Variants in IL1RL1 observed in about 807,000 individuals in gnomAD.
IL1RL1 encodes interleukin 1 receptor like 1.
Under a neutral mutation model 50.9 loss-of-function variants are expected in IL1RL1, and 32 were observed. The observed-to-expected ratio is 0.63, with a 90% confidence interval of 0.47 to 0.84. IL1RL1 has a LOEUF of 0.84. Among genes scored for constraint, IL1RL1 ranks in the 40% least tolerant of loss-of-function variants. The pLI, the probability that IL1RL1 is intolerant of heterozygous loss-of-function variation, is 0.00. For synonymous variants in IL1RL1, 275 were observed against 236.0 expected, an observed-to-expected ratio of 1.17 and a Z score of -1.51; for missense variants, 773 against 662.9, an observed-to-expected ratio of 1.17 and a Z score of -1.82.
intron 1 of IL1RL1, among the ~76,000 whole-genome samples, chr2:102,321,083 G>T (rs996657970): frequency 2.6e-5 from 4 of 152,190 alleles, no homozygotes; most frequent in Admixed American, 6.5e-5. Flanking sequence ...CACCAGGCTT[G>T]CCTCCATGGC....
At chr2:102,337,432 T>G (rs3771179) in intron 1 of IL1RL1, 12,661 of 152,408 alleles carry the variant, frequency 0.083, 585 homozygotes, top group Middle Eastern at 0.31. Flanking sequence ...TCTATGTTGG[T>G]TCTATTCTTC....
rs75779188 is a variant in IL1RL1 at position 102,343,044 on chromosome 2, G to A, written c.691G>A (p.Ala231Thr). ...EIKEVEIGKN[A>T]NLTCSACFGK... is the part of the protein sequence containing the mutation. ...TCCTTACTCCCCTCTAGGAAAAAAC[G>A]CAAACCTAACTTGCTCTGCTTGTTT... Residue 231 changes from alanine (A) to threonine (T), a missense_variant, in exon 7 of 11, where the codon GCA becomes ACA. Coordinates refer to ENST00000233954, the MANE Select transcript of IL1RL1 (RefSeq NM_016232.5). 1.7e-5 allele frequency: 28 copies of A among 1,613,766 alleles called. No homozygotes were observed. In the East Asian group the frequency reaches 3.1e-4, roughly 18 times the overall value.
chr2:102,333,800 A>G (rs909031502), intron 1 of IL1RL1, among the ~76,000 whole-genome samples: 1 of 151,960 alleles, frequency 6.6e-6, no homozygotes, highest in Non-Finnish European at 1.5e-5. Context: ...ATGAGTACCC[A>G]TGGTTTAGCT....
At chr2:102,328,124 A>G (rs1308759331) in intron 1 of IL1RL1, among the ~76,000 whole-genome samples, 2 of 152,154 alleles carry the variant, frequency 1.3e-5, no homozygotes, top group Non-Finnish European at 2.9e-5. Context: ...CTGGCAAACC[A>G]AATCCAGCAG....
At chr2:102,311,953 AT>A (rs1676504780) in intron 1 of IL1RL1, among the ~76,000 whole-genome samples, 1 of 35,720 alleles carries the variant, frequency 2.8e-5, no homozygotes, top group South Asian at 5.6e-4. Flanking sequence ...ATTATATATA[AT>A]ATATATTATA....
In IL1RL1 at chr2:102,351,525, T is replaced by C. The variant is rs749163091; in HGVS notation, c.1286-11T>C. ...CTGATAAGAAATCTGATCTATTTCT[T>C]GTATGACTAGATGTAGTCACTGCAG... On this transcript the variant is annotated splice_polypyrimidine_tract_variant and intron_variant, in intron 10 of 10. Transcript: ENST00000233954. 1.2e-5 allele frequency: 20 copies of C among 1,606,870 alleles called. No individual in the cohort carries two copies. Among genetic ancestry groups the C allele is most frequent in the Non-Finnish European group, 1.7e-5 (20 of 1,175,222 alleles).
At chr2:102,319,260 A>C (rs1676766751) in intron 1 of IL1RL1, among the ~76,000 whole-genome samples, 1 of 152,158 alleles carries the variant, frequency 6.6e-6, no homozygotes, top group Admixed American at 6.5e-5. Flanking sequence ...ATGCTATATA[A>C]TCACAAATAT....
At chr2:102,327,416 T>A (rs1168388428) in intron 1 of IL1RL1, among the ~76,000 whole-genome samples, 2 of 151,112 alleles carry the variant, frequency 1.3e-5, no homozygotes, top group South Asian at 4.2e-4. Context: ...AGATCTAAAA[T>A]TGACACACTA....
At position 102,338,193 on chromosome 2, in the gene IL1RL1, C is replaced by T. The variant is rs13431828; in HGVS notation, c.-72C>T. ...CCTCATGTGTGGTGACCTTCACTGTCGTATGCCAGTGACTCATCTGGAGTA... is the reference window on the plus strand; with the variant it reads ...CCTCATGTGTGGTGACCTTCACTGTTGTATGCCAGTGACTCATCTGGAGTA... On this transcript the variant is annotated 5_prime_UTR_variant, in exon 2 of 11. Coordinates refer to ENST00000233954, the MANE Select transcript of IL1RL1 (RefSeq NM_016232.5). 0.14 allele frequency: 140,731 copies of T among 976,016 alleles called. 11,460 individuals are homozygous for T. The highest frequency in any genetic ancestry group is 0.27 in the African/African-American group (16,472 of 62,114). The allele number at this position is 976,016 out of a possible 1,614,324, so 60.5% of individuals were successfully genotyped here. A position where few individuals can be genotyped will look rare whatever the true frequency, so the allele number is the denominator to read the frequency against.
At chr2:102,351,217 C>A (rs756012299) in intron 10 of IL1RL1, among the ~76,000 whole-genome samples, 2 of 152,090 alleles carry the variant, frequency 1.3e-5, no homozygotes, top group Non-Finnish European at 2.9e-5. Flanking sequence ...GAAGAATGAA[C>A]CAGAATTCTA....
chr2:102,343,155 C>A lies in IL1RL1; in HGVS notation c.802C>A (p.Gln268Lys). ...ITDFGEPRIQ[Q>K]EEGQNQSFSN... The stretch of plus-strand genomic sequence containing the variant: ...AGACTTTGGTGAACCAAGAATTCAA[C>A]AAGAGGAAGGGCAAAATCAAAGGTA... The change falls in exon 7 of 11, where the codon CAA (glutamine) becomes AAA (lysine). Residue 268 changes from glutamine to lysine, a missense_variant. Coordinates refer to ENST00000233954, the MANE Select transcript of IL1RL1 (RefSeq NM_016232.5). The A allele has an allele frequency of 6.2e-7, 1 of 1,614,076 alleles. No homozygotes were observed. The highest frequency in any genetic ancestry group is 2.2e-5 in the East Asian group (1 of 44,880).
chr2:102,312,952 TCTC>T (rs1676561553), intron 1 of IL1RL1: 1 of 152,020 alleles, frequency 6.6e-6, no homozygotes, highest in Admixed American at 6.6e-5. Context: ...CTATAACAGT[TCTC>T]CTACTAGATC....
chr2:102,338,217 T>C lies in IL1RL1; in HGVS notation c.-48T>C, dbSNP rs1267830309. The C allele has an allele frequency of 7.8e-7, 1 of 1,284,846 alleles. No individual in the cohort carries two copies. The highest frequency in any genetic ancestry group is 1.1e-6 in the Non-Finnish European group (1 of 884,950). 79.6% of individuals were successfully genotyped at this position (1,284,846 alleles called of 1,614,324 possible). A position where few individuals can be genotyped will look rare whatever the true frequency, so the allele number is the denominator to read the frequency against. ...TCGTATGCCAGTGACTCATCTGGAG[T>C]AATCTCAACAACGAGTTACCAATAC... On this transcript the variant is annotated 5_prime_UTR_variant, in exon 2 of 11. The change abolishes the stop of an existing upstream ORF in the 5' untranslated region. Coordinates refer to ENST00000233954, the MANE Select transcript of IL1RL1 (RefSeq NM_016232.5).
intron 1 of IL1RL1, among the ~76,000 whole-genome samples, chr2:102,325,038 C>T (rs746723171): frequency 1.8e-4 from 28 of 152,296 alleles, no homozygotes; most frequent in African/African-American, 2.6e-4. Context: ...GATCTGAGAA[C>T]GGACAGACTG....
intron 5 of IL1RL1, chr2:102,341,488 A>T (rs1453766684): frequency 3.3e-6 from 1 of 302,100 alleles, no homozygotes; most frequent in African/African-American, 2.3e-5. Context: ...GCACAAGTCG[A>T]TCTACAGACG....
intron 1 of IL1RL1, among the ~76,000 whole-genome samples, chr2:102,311,907 T>A (rs1444173681): frequency 8.6e-4 from 30 of 34,926 alleles, no homozygotes; most frequent in African/African-American, 2.8e-3. Context: ...TCATATATGT[T>A]ATATATTTTA....
chr2:102,328,121 A>G (rs1677066215), intron 1 of IL1RL1, among the ~76,000 whole-genome samples: 1 of 152,210 alleles, frequency 6.6e-6, no homozygotes, highest in Non-Finnish European at 1.5e-5. Context: ...ATACTGGCAA[A>G]CCAAATCCAG....
intron 1 of IL1RL1, among the ~76,000 whole-genome samples, chr2:102,322,099 G>A (rs796487643): frequency 1.3e-5 from 2 of 152,266 alleles, no homozygotes; most frequent in African/African-American, 4.8e-5. Flanking sequence ...AAAGCTACAA[G>A]GCAGGCTGGC....
chr2:102,332,250 A>C (rs2104976102), intron 1 of IL1RL1, among the ~76,000 whole-genome samples: 1 of 152,316 alleles, frequency 6.6e-6, no homozygotes. Flanking sequence ...GTTAGAAGTG[A>C]TGAATGCCTT....
Sources: allele counts gnomAD v4.1 joint callset (sites outside exome capture counted in the v4.1 genomes callset), GRCh38; gene constraint gnomAD v4.1.1; transcripts MANE v1.5; gene names NCBI Gene and HGNC (gene_info 2026-07-23, HGNC 2026-07-21).